Variants in RGS17 observed in about 807,000 individuals in gnomAD.
RGS17 encodes the protein regulator of G protein signaling 17, also known as regulator of G-protein signaling 17.
In RGS17, 12 loss-of-function variants were observed where a neutral mutation model predicts 25.5. The observed-to-expected ratio is 0.47, with a 90% CI of 0.30 to 0.76. The LOEUF (loss-of-function observed/expected upper bound fraction) is 0.76. RGS17 is among the 30% of genes least tolerant of loss of function. The probability of loss-of-function intolerance (pLI) is 0.07; values close to 1 mark genes in which losing one functional copy is unlikely to be tolerated. For missense variants in RGS17, 196 were observed against 242.2 expected (o/e 0.81, Z 1.27); for synonymous variants, 71 against 76.9 (o/e 0.92, Z 0.40).
chr6:153,090,520 G>A (rs966221072), intron 1 of RGS17, among the ~76,000 whole-genome samples: 1 of 151,470 alleles, frequency 6.6e-6, no homozygotes, highest in Non-Finnish European at 1.5e-5. Context: ...TCAGGAGACT[G>A]AGGCAGGAGG....
chr6:153,041,689 A>G (rs893901047), intron 2 of RGS17, among the ~76,000 whole-genome samples: 2 of 152,324 alleles, frequency 1.3e-5, no homozygotes, highest in Non-Finnish European at 1.5e-5. Flanking sequence ...GTATAGTGCA[A>G]ATGAGCACTA....
chr6:153,049,070 G>A (rs1213601822), intron 1 of RGS17, among the ~76,000 whole-genome samples: 2 of 151,956 alleles, frequency 1.3e-5, no homozygotes, highest in Admixed American at 6.6e-5. Context: ...TGCAGCCAAT[G>A]CAACAAAATT....
chr6:153,044,421 G>A (rs1776362368), intron 1 of RGS17, among the ~76,000 whole-genome samples: 2 of 152,224 alleles, frequency 1.3e-5, no homozygotes, highest in South Asian at 4.2e-4. Flanking sequence ...TATGTAACTC[G>A]TTTTTCCACT....
At chr6:153,067,320 G>T (rs928591560) in intron 1 of RGS17, among the ~76,000 whole-genome samples, 2 of 152,022 alleles carry the variant, frequency 1.3e-5, no homozygotes, top group Non-Finnish European at 2.9e-5. Context: ...AGAGCAATCA[G>T]ATTAGAGAAA....
intron 1 of RGS17, among the ~76,000 whole-genome samples, chr6:153,054,836 C>T (rs1262200857): frequency 6.6e-6 from 1 of 152,022 alleles, no homozygotes; most frequent in African/African-American, 2.4e-5. Flanking sequence ...GAAATTCCTA[C>T]TCATTGATTT....
chr6:153,032,104 A>C (rs987689792), intron 2 of RGS17, among the ~76,000 whole-genome samples: 6 of 152,260 alleles, frequency 3.9e-5, no homozygotes, highest in East Asian at 1.9e-4. Flanking sequence ...CCCACCCCCC[A>C]AAAAAACTAA....
chr6:153,085,407 A>G (rs1299943977), intron 1 of RGS17, among the ~76,000 whole-genome samples: 1 of 152,226 alleles, frequency 6.6e-6, no homozygotes, highest in African/African-American at 2.4e-5. Context: ...CAGCTGGGTC[A>G]AAACCAGACC....
chr6:153,130,798 A>T lies in RGS17; in HGVS notation c.-26+326T>A, dbSNP rs1562342447. ...CCCCGCTCTCCGCGGGAACTCTGGG[A>T]CCTGGCCGAGCGTTCCCCGGCGGGC... On this transcript the variant is annotated intron_variant, in intron 1 of 4. Coordinates refer to ENST00000206262, the MANE Select transcript of RGS17 (RefSeq NM_012419.5). The surrounding 1 kb of genome is among the most constrained non-coding windows in gnomAD (Gnocchi z 6.4). 6.6e-6 allele frequency among the ~76,000 whole-genome samples: 1 copy of T among 151,942 alleles called. No homozygotes were observed. Among genetic ancestry groups the T allele is most frequent in the Non-Finnish European group, 1.5e-5 (1 of 67,956 alleles).
intron 1 of RGS17, among the ~76,000 whole-genome samples, chr6:153,049,385 A>C (rs773081301): frequency 2.0e-5 from 3 of 152,188 alleles, no homozygotes; most frequent in Non-Finnish European, 4.4e-5. Context: ...AAAAACATAA[A>C]ATAAGACCTG....
At chr6:153,071,180 CTT>C (rs944604413) in intron 1 of RGS17, among the ~76,000 whole-genome samples, 11 of 149,272 alleles carry the variant, frequency 7.4e-5, no homozygotes, top group Admixed American at 2.0e-4. Flanking sequence ...TCATATATAT[CTT>C]ATATATATCA....
At chr6:153,045,201 A>G (rs1562319114) in intron 1 of RGS17, among the ~76,000 whole-genome samples, 1 of 152,190 alleles carries the variant, frequency 6.6e-6, no homozygotes, top group East Asian at 1.9e-4. Context: ...TTGTAGGTGA[A>G]TGGGGTCTAA....
At chr6:153,053,420 C>A (rs9371660) in intron 1 of RGS17, among the ~76,000 whole-genome samples, 1 of 152,062 alleles carries the variant, frequency 6.6e-6, no homozygotes, top group East Asian at 1.9e-4. Context: ...AACGATCAGG[C>A]TGTGATTGCA....
At chr6:153,027,240 A>T (rs1435995464) in intron 2 of RGS17, among the ~76,000 whole-genome samples, 1 of 152,116 alleles carries the variant, frequency 6.6e-6, no homozygotes, top group Non-Finnish European at 1.5e-5. Context: ...ATCATAGAGG[A>T]CAGAGGATAA....
chr6:153,129,333 C>T (rs1198888403), intron 1 of RGS17, among the ~76,000 whole-genome samples: 1 of 152,178 alleles, frequency 6.6e-6, no homozygotes, highest in African/African-American at 2.4e-5. Context: ...ACTTCTCATT[C>T]ATTTGTATTA....
chr6:153,106,054 G>A (rs1777378090), intron 1 of RGS17, among the ~76,000 whole-genome samples: 1 of 152,114 alleles, frequency 6.6e-6, no homozygotes, highest in Non-Finnish European at 1.5e-5. Flanking sequence ...CAGAGGTAAG[G>A]AGTCCTGAAG....
chr6:153,116,183 G>C (rs1163969312), intron 1 of RGS17, among the ~76,000 whole-genome samples: 1 of 152,018 alleles, frequency 6.6e-6, no homozygotes, highest in Non-Finnish European at 1.5e-5. Flanking sequence ...TCTGACAAAG[G>C]GCTAATATTC....
Position 153,008,996 on chromosome 6 carries a change from G to A in RGS17, c.*2578C>T, listed in dbSNP as rs1655163478. Reference sequence around the variant, plus strand: ...CATAGCATGGTTATCAACATCTGATGTGTAAATCTGCTCTCGAATCTTTTT... The same window carrying A: ...CATAGCATGGTTATCAACATCTGATATGTAAATCTGCTCTCGAATCTTTTT... On this transcript the variant is annotated 3_prime_UTR_variant, in exon 5 of 5. Transcript: ENST00000206262. 1 of 152,150 alleles carries A rather than the reference G, an allele frequency of 6.6e-6. No homozygotes were observed. Among genetic ancestry groups the A allele is most frequent in the Admixed American group, 6.5e-5 (1 of 15,274 alleles). 9.4% of individuals were successfully genotyped at this position (152,150 alleles called of 1,614,324 possible).
rs1779096218 is a variant in RGS17 at position 153,008,196 on chromosome 6, T to C, written c.*3378A>G. ...CTATAGTCCTTTGGCAAAACTGAAC[T>C]ATCAGGTAGATAAACAACACGTATT... On this transcript the variant is annotated 3_prime_UTR_variant, in exon 5 of 5. Transcript: ENST00000206262. 6.6e-6 allele frequency: 1 copy of C among 152,162 alleles called. No homozygotes were observed. Among genetic ancestry groups the C allele is most frequent in the Admixed American group, 6.5e-5 (1 of 15,270 alleles). 9.4% of individuals were successfully genotyped at this position (152,162 alleles called of 1,614,324 possible).
intron 2 of RGS17, among the ~76,000 whole-genome samples, chr6:153,039,576 C>A (rs948741247): frequency 6.6e-6 from 1 of 152,146 alleles, no homozygotes; most frequent in Admixed American, 6.5e-5. Flanking sequence ...GGGACACCCA[C>A]AGAAGCGTCA....
Sources: gnomAD v4.1 joint callset for allele counts (sites outside exome capture counted in the v4.1 genomes callset) on GRCh38, gnomAD v4.1.1 for gene constraint, Gnocchi (gnomAD v3.1) non-coding constraint, MANE v1.5 for transcripts, NCBI Gene and HGNC (gene_info 2026-07-23, HGNC 2026-07-21) for gene names.